The following LRP1B variants were observed in gnomAD, a reference collection of about 807,000 sequenced individuals.
LRP1B encodes the protein LDL receptor related protein 1B.
A neutral mutation model predicts 556.6 loss-of-function variants in LRP1B; 217 were observed. That is an observed-to-expected ratio of 0.39 (90% confidence interval 0.35 to 0.44). The LOEUF (loss-of-function observed/expected upper bound fraction) is 0.44, where lower values mean the gene tolerates loss of function less well. LRP1B is among the 20% of genes least tolerant of loss of function. The pLI is 1.00. For missense variants in LRP1B, 5,053 were observed against 5,620.8 expected, an observed-to-expected ratio of 0.90 and a Z score of 3.23; for synonymous variants, 2,047 against 1,865.8, an observed-to-expected ratio of 1.10 and a Z score of -2.50.
chr2:140,347,684 C>A (rs963021616), intron 77 of LRP1B, among the ~76,000 whole-genome samples: 1 of 151,962 alleles, frequency 6.6e-6, no homozygotes, highest in African/African-American at 2.4e-5. Flanking sequence ...GGTTCACTGA[C>A]AATGGAGTTA....
At chr2:141,865,465 G>T (rs1439745627) in intron 1 of LRP1B, among the ~76,000 whole-genome samples, 2 of 149,064 alleles carry the variant, frequency 1.3e-5, no homozygotes, top group Non-Finnish European at 3.0e-5. Context: ...AGTGGCGGGC[G>T]CCTGTAGTCC....
chr2:141,194,795 C>T (rs1055692549), intron 6 of LRP1B, among the ~76,000 whole-genome samples: 6 of 151,862 alleles, frequency 4.0e-5, no homozygotes, highest in South Asian at 4.2e-4. Context: ...AATGGTGAGG[C>T]GATTAAATCA....
intron 5 of LRP1B, 29 bp downstream of exon 5, chr2:141,247,197 A>C (rs1307588951): frequency 1.2e-6 from 2 of 1,612,816 alleles, no homozygotes; most frequent in Non-Finnish European, 8.5e-7. Flanking sequence ...TAATTCTGGA[A>C]AGACAAAAAA....
chr2:141,208,064 A>C (rs904155199), intron 6 of LRP1B: 8 of 152,224 alleles, frequency 5.3e-5, no homozygotes, highest in Non-Finnish European at 1.2e-4. Context: ...TTTCTCTACC[A>C]TTCAGTTCTG....
At chr2:141,732,575 C>A (rs1693314039) in intron 2 of LRP1B, among the ~76,000 whole-genome samples, 1 of 152,014 alleles carries the variant, frequency 6.6e-6, no homozygotes, top group Non-Finnish European at 1.5e-5. Context: ...AAGTAGCTTA[C>A]CCCTATAACT....
At chr2:140,426,843 GATCAATCCCCT>G (rs1199978715) in intron 66 of LRP1B, among the ~76,000 whole-genome samples, 1 of 152,158 alleles carries the variant, frequency 6.6e-6, no homozygotes, top group East Asian at 1.9e-4. Flanking sequence ...TCCTTTGGGA[GATCAATCCCCT>G]GTCTTCCTGC....
At chr2:141,996,713 T>TC (rs563245926) in intron 1 of LRP1B, among the ~76,000 whole-genome samples, 90,655 of 145,138 alleles carry the variant, frequency 0.62, 28,468 homozygotes, top group African/African-American at 0.73. Flanking sequence ...ATTTTTTCTT[T>TC]CCCCCCCCCT....
At chr2:140,465,292 T>C (rs1182564719) in intron 60 of LRP1B, among the ~76,000 whole-genome samples, 1 of 152,006 alleles carries the variant, frequency 6.6e-6, no homozygotes, top group Non-Finnish European at 1.5e-5. Flanking sequence ...AGACCCCAAC[T>C]CTAGCACTGG....
rs189323145 is a variant in LRP1B at position 140,490,361 on chromosome 2, C to T, written c.9120+2247G>A. ...ATTTAAGTTATAGCTGACCTTACTA[C>T]AGTTATGTTGTAGAATATAGAGGGC... On this transcript the variant is annotated intron_variant, in intron 57 of 90. Transcript: ENST00000389484. Among the ~76,000 whole-genome samples, 6 of 152,100 alleles carry T rather than the reference C, an allele frequency of 3.9e-5. No individual in the cohort carries two copies. In the East Asian group the frequency reaches 1.2e-3, roughly 29 times the overall value.
chr2:140,354,428 A>T (rs1173618016), intron 75 of LRP1B, among the ~76,000 whole-genome samples: 1 of 152,110 alleles, frequency 6.6e-6, no homozygotes, highest in Non-Finnish European at 1.5e-5. Flanking sequence ...ATTGAAATGT[A>T]GAGTAAAGAG....
At chr2:141,628,084 C>T (rs968042559) in intron 2 of LRP1B, among the ~76,000 whole-genome samples, 7 of 152,132 alleles carry the variant, frequency 4.6e-5, no homozygotes, top group African/African-American at 1.4e-4. Context: ...CAAACAGGGT[C>T]TCTGATCACA....
chr2:141,852,068 A>G (rs1415480178), intron 1 of LRP1B, among the ~76,000 whole-genome samples: 1 of 151,712 alleles, frequency 6.6e-6, no homozygotes, highest in African/African-American at 2.4e-5. Flanking sequence ...TTATCCCCCT[A>G]CTATAAGAAT....
At chr2:140,352,879 T>C (rs1682036261) in intron 76 of LRP1B, 74 bp downstream of exon 76, 13 of 1,421,236 alleles carry the variant, frequency 9.1e-6, no homozygotes, top group African/African-American at 1.4e-5. Context: ...TGGAATGAAA[T>C]ATAAAACATT....
chr2:141,613,031 G>C (rs58008346), intron 2 of LRP1B, among the ~76,000 whole-genome samples: 7,983 of 151,486 alleles, frequency 0.053, 304 homozygotes, highest in African/African-American at 0.1. Context: ...GGATGGTCTC[G>C]ATCTCCTGAC....
chr2:141,580,196 G>T (rs1283431596), intron 2 of LRP1B, among the ~76,000 whole-genome samples: 1 of 152,084 alleles, frequency 6.6e-6, no homozygotes, highest in Non-Finnish European at 1.5e-5. Flanking sequence ...TACAAAATGA[G>T]TCTTCTATGT....
At chr2:141,039,900 G>C (rs1698646180) in intron 11 of LRP1B, among the ~76,000 whole-genome samples, 1 of 151,954 alleles carries the variant, frequency 6.6e-6, no homozygotes, top group Admixed American at 6.6e-5. Context: ...AATAATATGA[G>C]AAATATATAT....
chr2:142,059,329 AAAT>A (rs1237592340), intron 1 of LRP1B, among the ~76,000 whole-genome samples: 1 of 152,134 alleles, frequency 6.6e-6, no homozygotes, highest in Non-Finnish European at 1.5e-5. Flanking sequence ...ATTTAAAAGG[AAAT>A]AATAATACCA....
At chr2:141,008,824 T>A (rs1266003658) in intron 14 of LRP1B, among the ~76,000 whole-genome samples, 6 of 151,924 alleles carry the variant, frequency 3.9e-5, no homozygotes, top group Non-Finnish European at 8.8e-5. Flanking sequence ...AACAATCATT[T>A]GGAGTGCAGG....
At chr2:141,732,859 T>G (rs764170029) in intron 2 of LRP1B, among the ~76,000 whole-genome samples, 1 of 152,018 alleles carries the variant, frequency 6.6e-6, no homozygotes, top group Non-Finnish European at 1.5e-5. Flanking sequence ...CTAAAGAAAA[T>G]AATTTGTCAA....
Sources: gnomAD v4.1 joint callset for allele counts (sites outside exome capture counted in the v4.1 genomes callset) on GRCh38, gnomAD v4.1.1 for gene constraint, MANE v1.5 for transcripts, NCBI Gene and HGNC (gene_info 2026-07-23, HGNC 2026-07-21) for gene names.